The following SLC27A6 variants were observed in gnomAD, a reference collection of about 807,000 sequenced individuals.
SLC27A6 encodes the protein solute carrier family 27 member 6.
In SLC27A6, 74 loss-of-function variants were observed where a neutral mutation model predicts 63.9. The ratio of observed to expected loss-of-function variants is 1.16; its 90% CI spans 0.96 to 1.40. SLC27A6 has a LOEUF of 1.40. SLC27A6 is among the 40% of genes most tolerant of loss of function. The pLI is 0.00. For synonymous variants in SLC27A6, 287 were observed against 260.8 expected (o/e 1.10, Z -0.97); for missense variants, 794 against 732.9 (o/e 1.08, Z -0.96).
chr5:128,983,793 C>T (rs552217848), intron 1 of SLC27A6, among the ~76,000 whole-genome samples: 5 of 152,072 alleles, frequency 3.3e-5, no homozygotes, highest in Admixed American at 1.3e-4. Context: ...TTAAAACAAG[C>T]GAAATTTATT....
chr5:129,013,811 A>T (rs1295728738), intron 4 of SLC27A6, among the ~76,000 whole-genome samples: 1 of 152,038 alleles, frequency 6.6e-6, no homozygotes, highest in Non-Finnish European at 1.5e-5. Context: ...TATTTTTGGC[A>T]TGTTCTTTGC....
chr5:128,988,347 C>T (rs973906655), intron 2 of SLC27A6, among the ~76,000 whole-genome samples: 8 of 152,132 alleles, frequency 5.3e-5, no homozygotes, highest in African/African-American at 1.9e-4. Context: ...CCAGAAAGGC[C>T]AACGATAAAA....
intron 4 of SLC27A6, among the ~76,000 whole-genome samples, chr5:128,995,775 T>A (rs2150139344): frequency 6.6e-6 from 1 of 152,276 alleles, no homozygotes; most frequent in East Asian, 1.9e-4. Context: ...TGAATCTTTG[T>A]AATCTTGGAG....
chr5:128,975,678 A>G (rs922538853), intron 1 of SLC27A6, among the ~76,000 whole-genome samples: 1 of 152,334 alleles, frequency 6.6e-6, no homozygotes, highest in South Asian at 2.1e-4. Flanking sequence ...ATGTGTTAGC[A>G]GTAAGTTAAT....
At chr5:129,032,702 T>G (rs1177491446) in intron 9 of SLC27A6, among the ~76,000 whole-genome samples, 1 of 152,030 alleles carries the variant, frequency 6.6e-6, no homozygotes, top group African/African-American at 2.4e-5. Context: ...CTTATAGTAT[T>G]CTGCTTTTTA....
At position 129,007,367 on chromosome 5, in the gene SLC27A6, C is replaced by T. The variant is rs368818218; in HGVS notation, c.970-8518C>T. 2.5e-3 allele frequency among the ~76,000 whole-genome samples: 375 copies of T among 148,784 alleles called. 1 individual carries two copies. The highest frequency in any genetic ancestry group is 5.9e-3 in the South Asian group (28 of 4,740). On this transcript the variant is annotated intron_variant, in intron 4 of 9. Transcript: ENST00000262462. ...GCTGGAGCAGATAATTGCTTAAACC[C>T]GGGAGGCGGAGGTTGCAGTGAGCTG...
Position 129,033,310 on chromosome 5 carries a change from C to A in SLC27A6, c.*28C>A. On this transcript the variant is annotated 3_prime_UTR_variant, in exon 10 of 10. Transcript: ENST00000262462. ...TTTTTATATCTAGAACTTTCATATG[C>A]TTTCTTAGGAAGAGTGAGAGGGGGG... 8 of 1,410,930 alleles carry A rather than the reference C, an allele frequency of 5.7e-6. No homozygotes were observed. The highest frequency in any genetic ancestry group is 7.7e-6 in the Non-Finnish European group (8 of 1,033,280). The allele number at this position is 1,410,930 out of a possible 1,614,324, so 87.4% of individuals were successfully genotyped here. A position where few individuals can be genotyped will look rare whatever the true frequency, so the allele number is the denominator to read the frequency against.
chr5:128,990,330 T>C lies in SLC27A6; in HGVS notation c.845-10T>C, dbSNP rs747450188. On this transcript the variant is annotated splice_polypyrimidine_tract_variant and intron_variant, in intron 3 of 9. Coordinates refer to ENST00000262462, the MANE Select transcript of SLC27A6 (RefSeq NM_001017372.3). ...TTTTCCCTAGTGCCTGTTTTTGTCTTTTCTTATAGGTGCCACTTGTGTGTT... is the reference window on the plus strand; with the variant it reads ...TTTTCCCTAGTGCCTGTTTTTGTCTCTTCTTATAGGTGCCACTTGTGTGTT... 3.1e-6 allele frequency: 5 copies of C among 1,606,908 alleles called. No individual in the cohort carries two copies. Among genetic ancestry groups the C allele is most frequent in the Non-Finnish European group, 3.4e-6 (4 of 1,178,422 alleles).
At chr5:128,996,333 G>A (rs1580722575) in intron 4 of SLC27A6, among the ~76,000 whole-genome samples, 1 of 152,000 alleles carries the variant, frequency 6.6e-6, no homozygotes, top group South Asian at 2.1e-4. Context: ...TCCTTATTTT[G>A]TTTTCTTAAA....
In SLC27A6 at chr5:128,988,617, G is replaced by A; in HGVS notation, c.703G>A (p.Val235Met). 1 of 1,613,968 alleles carries A rather than the reference G, an allele frequency of 6.2e-7. No homozygotes were observed. The highest frequency in any genetic ancestry group is 1.3e-5 in the African/African-American group (1 of 75,008). Residue 235 changes from valine (V) to methionine (M), a missense_variant, in exon 3 of 10, where the codon GTG becomes ATG. Val to Met is a conservative substitution (Grantham distance 21, BLOSUM62 1). Transcript: ENST00000262462. ...TCTTCCAGGTCTACCAAAAGCAGCTGTGATTAGTCAGCTGCAGGTTTTAAG... is the reference window on the plus strand; with the variant it reads ...TCTTCCAGGTCTACCAAAAGCAGCTATGATTAGTCAGCTGCAGGTTTTAAG... ...SGTTGLPKAA[V>M]ISQLQVLRGS...
intron 4 of SLC27A6, among the ~76,000 whole-genome samples, chr5:129,014,357 A>G (rs1479580291): frequency 6.6e-6 from 1 of 152,142 alleles, no homozygotes; most frequent in African/African-American, 2.4e-5. Context: ...AGCTGTTTTG[A>G]AGGAAGTTTC....
intron 4 of SLC27A6, among the ~76,000 whole-genome samples, chr5:129,008,658 A>T (rs1010685029): frequency 6.6e-6 from 1 of 152,228 alleles, no homozygotes; most frequent in African/African-American, 2.4e-5. Context: ...TGCCATGCCC[A>T]TAGGAGGCGG....
intron 6 of SLC27A6, 69 bp downstream of exon 6, chr5:129,023,779 G>T: frequency 9.0e-7 from 1 of 1,110,952 alleles, no homozygotes; most frequent in Non-Finnish European, 1.3e-6. Context: ...ACATCCCTTG[G>T]TATCCTTGGG....
Position 129,028,380 on chromosome 5 carries a change from C to A in SLC27A6, c.1490C>A (p.Ala497Asp). ...KGENVATTEV[A>D]DVIGMLDFIQ... ...GAAAATGTCGCAACCACTGAGGTTG[C>A]TGATGTTATTGGAATGTTGGATTTC... The change falls in exon 8 of 10, where the codon GCT (alanine) becomes GAT (aspartate). Residue 497 changes from alanine to aspartate, a missense_variant. By Grantham distance (126) the Ala-to-Asp change is moderately radical. Transcript: ENST00000262462. The A allele has an allele frequency of 1.9e-6, 3 of 1,611,028 alleles. No individual in the cohort carries two copies. The highest frequency in any genetic ancestry group is 2.5e-6 in the Non-Finnish European group (3 of 1,177,814).
intron 1 of SLC27A6, among the ~76,000 whole-genome samples, chr5:128,973,081 G>A (rs185044666): frequency 6.6e-6 from 1 of 152,304 alleles, no homozygotes; most frequent in East Asian, 1.9e-4. Flanking sequence ...CCGTTTGCCT[G>A]GGTATCACCA....
chr5:128,997,306 A>G (rs1345167739), intron 4 of SLC27A6, among the ~76,000 whole-genome samples: 1 of 152,140 alleles, frequency 6.6e-6, no homozygotes, highest in Admixed American at 6.5e-5. Context: ...GTATTCCTCA[A>G]ATATTTGAAG....
chr5:128,989,650 C>T (rs188499574), intron 3 of SLC27A6, among the ~76,000 whole-genome samples: 315 of 152,190 alleles, frequency 2.1e-3, no homozygotes, highest in Middle Eastern at 3.4e-3. Flanking sequence ...GGTGGCCGGG[C>T]GCAGTGGCTC....
intron 1 of SLC27A6, among the ~76,000 whole-genome samples, chr5:128,969,221 TG>T (rs1750037897): frequency 6.6e-6 from 1 of 152,196 alleles, no homozygotes; most frequent in South Asian, 2.1e-4. Context: ...TTGCTCTTTT[TG>T]CTTAGGATTG....
chr5:128,981,152 C>T (rs780493719), intron 1 of SLC27A6, among the ~76,000 whole-genome samples: 1 of 151,996 alleles, frequency 6.6e-6, no homozygotes, highest in Non-Finnish European at 1.5e-5. Flanking sequence ...AGAAATTAAG[C>T]CTACAATGTA....
Sources: allele counts gnomAD v4.1 joint callset (sites outside exome capture counted in the v4.1 genomes callset), GRCh38; gene constraint gnomAD v4.1.1; transcripts MANE v1.5; gene names NCBI Gene and HGNC (gene_info 2026-07-23, HGNC 2026-07-21).